The following FOXO3 variants were observed in gnomAD, a reference collection of about 807,000 sequenced individuals.
FOXO3 encodes forkhead box O3, also known as forkhead box protein O3.
Under a neutral mutation model 41.9 loss-of-function variants are expected in FOXO3, and 4 were observed. That is an observed-to-expected ratio of 0.10 (90% CI 0.05 to 0.22). The LOEUF is 0.22. Ranked by LOEUF, FOXO3 falls within the 10% of genes least tolerant of loss-of-function variation. FOXO3 has a pLI of 1.00. For synonymous variants in FOXO3, 318 were observed against 389.3 expected (o/e 0.82, Z 2.16); for missense variants, 534 against 906.8 (o/e 0.59, Z 5.28).
chr6:108,663,587 G>T lies in FOXO3; in HGVS notation c.754G>T (p.Val252Phe). The T allele has an allele frequency of 6.2e-7, 1 of 1,613,582 alleles. No individual in the cohort carries two copies. Among genetic ancestry groups the T allele is most frequent in the Non-Finnish European group, 8.5e-7 (1 of 1,179,664 alleles). The stretch of plus-strand genomic sequence containing the variant: ...CGGAAAAGCCCCCCGGCGGCGGGCT[G>T]TCTCCATGGACAATAGCAACAAGTA... ...KSGKAPRRRA[V>F]SMDNSNKYTK... is the part of the protein sequence containing the mutation. Residue 252 changes from valine to phenylalanine, a missense_variant, in exon 2 of 3, where the codon GTC (valine) becomes TTC (phenylalanine). Around this residue, in one of 8 missense-constraint regions of FOXO3, gnomAD observed 77 missense variants for 193.2 expected, o/e 0.40. Coordinates refer to ENST00000406360, the MANE Select transcript of FOXO3 (RefSeq NM_001455.4).
chr6:108,661,008 C>G (rs942463493), intron 1 of FOXO3, among the ~76,000 whole-genome samples: 1 of 151,920 alleles, frequency 6.6e-6, no homozygotes, highest in Non-Finnish European at 1.5e-5. Flanking sequence ...TGCAGTGAGC[C>G]GAGATCACGC....
chr6:108,580,183 ATTTTTTT>A (rs11395032), intron 1 of FOXO3, among the ~76,000 whole-genome samples: 1 of 93,072 alleles, frequency 1.1e-5, no homozygotes, highest in Admixed American at 1.6e-4. Context: ...GCTCTTCTTC[ATTTTTTT>A]TTTTTTTTTT....
intron 1 of FOXO3, among the ~76,000 whole-genome samples, chr6:108,661,535 A>ACT (rs748234123): frequency 6.6e-6 from 1 of 152,000 alleles, no homozygotes; most frequent in Non-Finnish European, 1.5e-5. Context: ...CAGGCCATGA[A>ACT]CTCTCTCCAC....
chr6:108,593,062 C>A (rs555391663), intron 1 of FOXO3, among the ~76,000 whole-genome samples: 1 of 152,312 alleles, frequency 6.6e-6, no homozygotes, highest in Admixed American at 6.5e-5. Flanking sequence ...TTTTAAAGTT[C>A]AAGTTCTCCA....
At position 108,626,737 on chromosome 6, in the gene FOXO3, TATTTTGGTTAGGGTTTTAGGTG is replaced by T. The variant is rs1203518003; in HGVS notation, c.622-36712_622-36691del. Among the ~76,000 whole-genome samples the T allele has an allele frequency of 6.6e-4, 101 of 152,274 alleles. 1 individual carries two copies. Among genetic ancestry groups the T allele is most frequent in the African/African-American group, 2.4e-3 (99 of 41,542 alleles). On this transcript the variant is annotated intron_variant, in intron 1 of 2. Transcript: ENST00000406360. ...TATGTTCCCTAGTTGGCCATGCCAG[TATTTTGGTTAGGGTTTTAGGTG>T]ATTTTTATATCCACTGTAAACTTGG...
intron 1 of FOXO3, among the ~76,000 whole-genome samples, chr6:108,640,890 A>G (rs1378756632): frequency 6.6e-6 from 1 of 152,124 alleles, no homozygotes; most frequent in Non-Finnish European, 1.5e-5. Flanking sequence ...GCTCCCAGTT[A>G]CTGATTTGGA....
intron 1 of FOXO3, among the ~76,000 whole-genome samples, chr6:108,631,933 G>A (rs1176081369): frequency 1.3e-5 from 2 of 151,994 alleles, no homozygotes; most frequent in Admixed American, 6.6e-5. Context: ...CCAATGACTT[G>A]TTGCAGAAAC....
intron 1 of FOXO3, among the ~76,000 whole-genome samples, chr6:108,617,805 A>G (rs1777557468): frequency 6.6e-6 from 1 of 151,824 alleles, no homozygotes; most frequent in Admixed American, 6.6e-5. Flanking sequence ...TAAAAAAAAA[A>G]TGCAGTGTGC....
At chr6:108,649,176 C>T (rs1778478698) in intron 1 of FOXO3, among the ~76,000 whole-genome samples, 2 of 152,094 alleles carry the variant, frequency 1.3e-5, no homozygotes, top group South Asian at 2.1e-4. Context: ...CCCCGAATCC[C>T]ACAGGGGTGA....
intron 1 of FOXO3, among the ~76,000 whole-genome samples, chr6:108,581,567 A>G (rs1052080448): frequency 2.6e-5 from 4 of 152,130 alleles, no homozygotes; most frequent in African/African-American, 9.7e-5. Flanking sequence ...CAGTCATGGA[A>G]CCATTGAGAC....
chr6:108,644,698 C>G (rs969860669), intron 1 of FOXO3, among the ~76,000 whole-genome samples: 10 of 152,168 alleles, frequency 6.6e-5, no homozygotes, highest in African/African-American at 2.4e-4. Context: ...TCCGCTCCAT[C>G]CTCTCTAGGT....
chr6:108,563,261 G>C (rs1349483197), intron 1 of FOXO3, among the ~76,000 whole-genome samples: 1 of 152,152 alleles, frequency 6.6e-6, no homozygotes, highest in African/African-American at 2.4e-5. Flanking sequence ...CTTTGTATTA[G>C]ATACTTTAAA....
intron 1 of FOXO3, among the ~76,000 whole-genome samples, chr6:108,603,363 T>A (rs1582767822): frequency 1.3e-5 from 2 of 152,308 alleles, no homozygotes; most frequent in East Asian, 3.9e-4. Flanking sequence ...ATTCATTCAG[T>A]CATTCAAGTA....
intron 1 of FOXO3, among the ~76,000 whole-genome samples, chr6:108,627,717 A>G (rs972400910): frequency 2.0e-5 from 3 of 147,406 alleles, no homozygotes; most frequent in Non-Finnish European, 4.5e-5. Flanking sequence ...AAGAAATAGT[A>G]AAAAAAAAAA....
In FOXO3 at chr6:108,678,890, T is replaced by TTTTTTC. The variant is rs368405598; in HGVS notation, c.*35-936_*35-935insTTTTCT. ...AATTCTTTTTTTTTTTTTTTTTTTT[T>TTTTTTC]TGAGACGGAGTCTCGCTGTCGCTCA... On this transcript the variant is annotated intron_variant, in intron 2 of 2. Transcript: ENST00000406360. Among the ~76,000 whole-genome samples the TTTTTTC allele has an allele frequency of 6.2e-3, 720 of 115,382 alleles. 98 individuals are homozygous for TTTTTTC. The highest frequency in any genetic ancestry group is 0.031 in the East Asian group (99 of 3,236). 75.7% of individuals were successfully genotyped at this position (115,382 alleles called of 152,430 possible).
chr6:108,659,017 T>C (rs904276802), intron 1 of FOXO3, among the ~76,000 whole-genome samples: 8 of 152,124 alleles, frequency 5.3e-5, no homozygotes, highest in Non-Finnish European at 1.2e-4. Flanking sequence ...CCCCAGTAGC[T>C]GTGACTATAG....
chr6:108,613,505 AT>A (rs1777417184), intron 1 of FOXO3, among the ~76,000 whole-genome samples: 1 of 152,136 alleles, frequency 6.6e-6, no homozygotes, highest in African/African-American at 2.4e-5. Flanking sequence ...AAGTTGTCTA[AT>A]TTATGGGCAT....
intron 1 of FOXO3, among the ~76,000 whole-genome samples, chr6:108,659,496 A>G (rs1778783806): frequency 6.6e-6 from 1 of 152,228 alleles, no homozygotes; most frequent in Non-Finnish European, 1.5e-5. Flanking sequence ...GCATTAAGTT[A>G]TTTAATATCT....
intron 1 of FOXO3, among the ~76,000 whole-genome samples, chr6:108,611,674 C>T (rs188477214): frequency 2.7e-5 from 4 of 145,596 alleles, no homozygotes; most frequent in African/African-American, 7.5e-5. Context: ...TCTTTGGTGA[C>T]GTGTCTATTG....
Sources: allele counts gnomAD v4.1 joint callset (sites outside exome capture counted in the v4.1 genomes callset), GRCh38; gene constraint gnomAD v4.1.1; regional missense constraint gnomAD v4.1.1; transcripts MANE v1.5; gene names NCBI Gene and HGNC (gene_info 2026-07-23, HGNC 2026-07-21).